CEP170: variants seen among roughly 807,000 people sequenced by gnomAD.
CEP170 encodes the protein centrosomal protein of 170 kDa.
Under a neutral mutation model 151.9 loss-of-function variants are expected in CEP170, and 21 were observed. That is an observed-to-expected ratio of 0.14 (90% CI 0.10 to 0.20). The LOEUF (loss-of-function observed/expected upper bound fraction) is 0.20, where lower values mean the gene tolerates loss of function less well. Ranked by LOEUF, CEP170 falls within the 10% of genes least tolerant of loss-of-function variation. The pLI is 1.00. For missense variants in CEP170, 964 were observed against 1,892.9 expected, an observed-to-expected ratio of 0.51 and a Z score of 9.11; for synonymous variants, 356 against 648.8, an observed-to-expected ratio of 0.55 and a Z score of 6.86.
At chr1:243,226,841 T>G (rs1327954482) in intron 1 of CEP170, among the ~76,000 whole-genome samples, 2 of 152,126 alleles carry the variant, frequency 1.3e-5, no homozygotes, top group East Asian at 3.9e-4. Flanking sequence ...AATACAAAAT[T>G]AGCTGGGCAT....
At chr1:243,212,000 T>C (rs752829158) in intron 3 of CEP170, 36 bp from the exon 4 acceptor site, 1 of 1,429,674 alleles carries the variant, frequency 7.0e-7, no homozygotes, top group Non-Finnish European at 9.2e-7. Flanking sequence ...AGGTTACGTA[T>C]GAGGTATTAA....
At chr1:243,224,441 G>A (rs2063067218) in intron 2 of CEP170, among the ~76,000 whole-genome samples, 1 of 150,504 alleles carries the variant, frequency 6.6e-6, no homozygotes, top group African/African-American at 2.5e-5. Context: ...ACTAACAACA[G>A]CTGATGAACT....
At chr1:243,225,720 G>A (rs1297286740) in intron 1 of CEP170, among the ~76,000 whole-genome samples, 1 of 152,172 alleles carries the variant, frequency 6.6e-6, no homozygotes, top group Non-Finnish European at 1.5e-5. Flanking sequence ...AATGGTTTGA[G>A]AAAGACACAA....
chr1:243,234,935 G>A (rs569417841), intron 1 of CEP170, among the ~76,000 whole-genome samples: 1 of 152,202 alleles, frequency 6.6e-6, no homozygotes, highest in African/African-American at 2.4e-5. Flanking sequence ...TCACATATAG[G>A]TGTGTATATA....
At chr1:243,157,418 C>A (rs1208433248) in intron 13 of CEP170, among the ~76,000 whole-genome samples, 1 of 152,114 alleles carries the variant, frequency 6.6e-6, no homozygotes, top group Admixed American at 6.5e-5. Flanking sequence ...CCTGGTAAAC[C>A]TAACAAGGGC....
At chr1:243,234,620 T>G (rs866387794) in intron 1 of CEP170, among the ~76,000 whole-genome samples, 11 of 152,210 alleles carry the variant, frequency 7.2e-5, no homozygotes, top group Non-Finnish European at 1.6e-4. Flanking sequence ...AAAGATACAA[T>G]TTTAAACAAA....
chr1:243,226,760 C>T (rs540421613), intron 1 of CEP170, among the ~76,000 whole-genome samples: 7 of 152,190 alleles, frequency 4.6e-5, no homozygotes, highest in African/African-American at 4.8e-5. Context: ...GAGGCCGAGG[C>T]GGGCAGATCA....
chr1:243,189,266 G>C (rs1297160547), intron 8 of CEP170, among the ~76,000 whole-genome samples: 1 of 152,080 alleles, frequency 6.6e-6, no homozygotes, highest in Non-Finnish European at 1.5e-5. Flanking sequence ...AAAAATAATA[G>C]TCGATACAGG....
At chr1:243,166,399 T>G in intron 12 of CEP170, 1 of 362,694 alleles carries the variant, frequency 2.8e-6, no homozygotes, top group East Asian at 4.9e-5. Flanking sequence ...ACTGTATTGC[T>G]TAGTGAATAA....
chr1:243,197,051 T>C (rs2060701228), intron 7 of CEP170, among the ~76,000 whole-genome samples: 1 of 152,098 alleles, frequency 6.6e-6, no homozygotes, highest in Admixed American at 6.6e-5. Context: ...AAAAATCTAT[T>C]TGGCAGGCAA....
At chr1:243,245,671 G>A (rs760907178) in intron 1 of CEP170, among the ~76,000 whole-genome samples, 1 of 151,504 alleles carries the variant, frequency 6.6e-6, no homozygotes, top group Non-Finnish European at 1.5e-5. Flanking sequence ...CCGAGATCTC[G>A]CCACTTCAAT....
chr1:243,154,386 A>G (rs2057374962), intron 14 of CEP170, among the ~76,000 whole-genome samples: 1 of 152,226 alleles, frequency 6.6e-6, no homozygotes, highest in Non-Finnish European at 1.5e-5. Flanking sequence ...CCATTTGAAA[A>G]TACATTTTCT....
chr1:243,241,576 G>A (rs1385336622), intron 1 of CEP170, among the ~76,000 whole-genome samples: 2 of 152,180 alleles, frequency 1.3e-5, no homozygotes, highest in East Asian at 3.9e-4. Context: ...GATCACTTGT[G>A]GTCAGGAGTT....
intron 13 of CEP170, among the ~76,000 whole-genome samples, chr1:243,158,505 T>A (rs1244742357): frequency 6.6e-6 from 1 of 152,158 alleles, no homozygotes; most frequent in African/African-American, 2.4e-5. Flanking sequence ...CGATGGCTGA[T>A]ACATTTCGTG....
rs1359864913 is a variant in CEP170, at chr1:243,169,730, T to C, written c.1741A>G (p.Lys581Glu). The C allele has an allele frequency of 3.1e-6, 5 of 1,613,410 alleles. No individual in the cohort carries two copies. Among genetic ancestry groups the C allele is most frequent in the Non-Finnish European group, 4.2e-6 (5 of 1,179,668 alleles). The change falls in exon 12 of 20, where the codon AAA becomes GAA. Residue 581 changes from lysine to glutamate, a missense_variant. Transcript: ENST00000366542. Reference protein sequence around the residue: ...SEEGTSSSGSKRWVSQWASLA... With the variant: ...SEEGTSSSGSERWVSQWASLA... ...CTAGCCCACTGTGAAACCCAACGTT[T>C]GCTTCCAGATGAAGATGTGCCTTCC...
At chr1:243,208,446 G>A (rs375263074) in intron 4 of CEP170, among the ~76,000 whole-genome samples, 3 of 152,046 alleles carry the variant, frequency 2.0e-5, no homozygotes, top group South Asian at 2.1e-4. Flanking sequence ...AATGTCCTAC[G>A]AGAACTGATA....
chr1:243,254,752 T>TC (rs1558177154), intron 1 of CEP170, among the ~76,000 whole-genome samples: 2 of 113,768 alleles, frequency 1.8e-5, no homozygotes, highest in Non-Finnish European at 3.4e-5. Flanking sequence ...AGCAAGGGGC[T>TC]CGGGAAAGCC....
intron 12 of CEP170, chr1:243,168,493 G>A (rs1226771273): frequency 6.6e-6 from 1 of 151,798 alleles, no homozygotes; most frequent in African/African-American, 2.4e-5. Flanking sequence ...TGTTTATGGT[G>A]TATAAAATGT....
intron 1 of CEP170, among the ~76,000 whole-genome samples, chr1:243,230,472 G>T (rs1203447992): frequency 6.6e-6 from 1 of 152,112 alleles, no homozygotes; most frequent in Non-Finnish European, 1.5e-5. Context: ...TCTTAAATAT[G>T]TTGAATGAGC....
Sources: gnomAD v4.1 joint callset for allele counts (sites outside exome capture counted in the v4.1 genomes callset) on GRCh38, gnomAD v4.1.1 for gene constraint, MANE v1.5 for transcripts, NCBI Gene and HGNC (gene_info 2026-07-23, HGNC 2026-07-21) for gene names.